NTRK3: variants seen among roughly 807,000 people sequenced by gnomAD.
NTRK3 encodes neurotrophic receptor tyrosine kinase 3.
NTRK3 carries 24 observed loss-of-function variants against 91.7 expected under a neutral mutation model. The ratio of observed to expected loss-of-function variants is 0.26; its 90% CI spans 0.19 to 0.37. The LOEUF is 0.37. Ranked by LOEUF, NTRK3 falls within the 10% of genes least tolerant of loss-of-function variation. NTRK3 has a pLI of 1.00. For missense variants in NTRK3, 880 were observed against 1,068.9 expected (o/e 0.82, Z 2.46); for synonymous variants, 483 against 404.0 (o/e 1.20, Z -2.34).
chr15:88,106,804 G>A (rs549573459), intron 13 of NTRK3, among the ~76,000 whole-genome samples: 37 of 152,106 alleles, frequency 2.4e-4, no homozygotes, highest in African/African-American at 8.4e-4. Flanking sequence ...ATGGTGGTGG[G>A]TGCCTGTAAT....
At chr15:88,174,594 G>A (rs1216427990) in intron 5 of NTRK3, among the ~76,000 whole-genome samples, 5 of 152,156 alleles carry the variant, frequency 3.3e-5, no homozygotes, top group African/African-American at 4.8e-5. Flanking sequence ...CTGATAAACA[G>A]GCTCAGTGGC....
Position 88,006,653 on chromosome 15 carries a change from G to C in NTRK3, c.1585+26204C>G, listed in dbSNP as rs139819904. Among the ~76,000 whole-genome samples the C allele has an allele frequency of 3.7e-4, 56 of 152,330 alleles. No homozygotes were observed. The East Asian group carries it at 9.5e-3, about 26-fold the overall frequency. On this transcript the variant is annotated intron_variant, in intron 14 of 18. Coordinates refer to ENST00000394480, the Ensembl canonical transcript of NTRK3. ...ATTCTGGGATTTGAAGAAGCAGTGA[G>C]CATCTCCTTGATGTAAAAGAAAACG...
At chr15:88,134,535 T>A (rs1262655193) in intron 10 of NTRK3, among the ~76,000 whole-genome samples, 2 of 152,242 alleles carry the variant, frequency 1.3e-5, no homozygotes, top group Middle Eastern at 3.4e-3. Context: ...TAGATCCAAG[T>A]CAAACCTTGT....
At chr15:88,130,100 C>T (rs1034533380) in intron 10 of NTRK3, among the ~76,000 whole-genome samples, 6 of 152,176 alleles carry the variant, frequency 3.9e-5, no homozygotes, top group African/African-American at 1.4e-4. Flanking sequence ...CTTCCAGCCT[C>T]CAGAATTGTG....
At chr15:87,879,802 C>G (rs191802778) in intron 18 of NTRK3, among the ~76,000 whole-genome samples, 1 of 151,992 alleles carries the variant, frequency 6.6e-6, no homozygotes. Flanking sequence ...TATTCCTAGA[C>G]GTTCACACAT....
At chr15:87,969,263 T>C (rs1182151020) in intron 14 of NTRK3, among the ~76,000 whole-genome samples, 1 of 152,150 alleles carries the variant, frequency 6.6e-6, no homozygotes, top group African/African-American at 2.4e-5. Flanking sequence ...AGGCACAGGC[T>C]GGAAACACCC....
chr15:87,863,988 C>CAT (rs1555424612), exon 19 of NTRK3: 30 of 216,708 alleles, frequency 1.4e-4, no homozygotes, highest in East Asian at 6.4e-4. Flanking sequence ...CACACACACA[C>CAT]ACACATACAC....
At chr15:88,174,935 C>T (rs953636581) in intron 5 of NTRK3, among the ~76,000 whole-genome samples, 1 of 152,210 alleles carries the variant, frequency 6.6e-6, no homozygotes, top group Non-Finnish European at 1.5e-5. Context: ...GATGAAGAAC[C>T]ACCACTCACC....
chr15:88,195,060 T>G lies in NTRK3; in HGVS notation c.249-10761A>C, dbSNP rs62019297. On this transcript the variant is annotated intron_variant, in intron 3 of 18. Coordinates refer to ENST00000394480, the Ensembl canonical transcript of NTRK3. ...CTGTGCCCCCCAGGCTTGGGTTGTCTGAAGACATCAGTTTTGATTGTCACT... is the reference window on the plus strand; with the variant it reads ...CTGTGCCCCCCAGGCTTGGGTTGTCGGAAGACATCAGTTTTGATTGTCACT... Among the ~76,000 whole-genome samples, 579 of 152,346 alleles carry G rather than the reference T, an allele frequency of 3.8e-3. 6 individuals are homozygous for G. The highest frequency in any genetic ancestry group is 6.8e-3 in the Non-Finnish European group (464 of 68,032).
intron 14 of NTRK3, chr15:87,978,347 G>A (rs899680934): frequency 3.5e-5 from 8 of 230,044 alleles, no homozygotes; most frequent in African/African-American, 4.4e-5. Flanking sequence ...GCTGGAGGAG[G>A]CCAAGTTTTA....
At chr15:87,864,519 A>G in exon 19 of NTRK3, 1 of 229,714 alleles carries the variant, frequency 4.4e-6, no homozygotes, top group East Asian at 6.2e-5. Context: ...TGTCTTTAGG[A>G]AGTTATATAG....
chr15:88,173,414 T>C (rs2045709864), intron 5 of NTRK3, among the ~76,000 whole-genome samples: 1 of 152,018 alleles, frequency 6.6e-6, no homozygotes. Flanking sequence ...TGTAGCCCCA[T>C]GCTCCCTGGA....
chr15:88,057,979 G>T (rs1004529696), intron 13 of NTRK3, among the ~76,000 whole-genome samples: 3 of 152,210 alleles, frequency 2.0e-5, no homozygotes, highest in Admixed American at 2.0e-4. Flanking sequence ...GGAAAAGGGC[G>T]GGCCAGGGAC....
At chr15:87,990,680 C>T (rs1255227191) in intron 14 of NTRK3, among the ~76,000 whole-genome samples, 3 of 152,134 alleles carry the variant, frequency 2.0e-5, no homozygotes, top group African/African-American at 7.2e-5. Flanking sequence ...CTCCAACTTC[C>T]TTCTTCAATT....
At chr15:88,144,743 A>T (rs1367239927) in intron 6 of NTRK3, among the ~76,000 whole-genome samples, 1 of 152,178 alleles carries the variant, frequency 6.6e-6, no homozygotes, top group East Asian at 1.9e-4. Flanking sequence ...TGTTCCAAGG[A>T]TAAGACAGAA....
At chr15:88,035,892 A>G (rs1356830942) in intron 13 of NTRK3, among the ~76,000 whole-genome samples, 1 of 152,226 alleles carries the variant, frequency 6.6e-6, no homozygotes, top group Non-Finnish European at 1.5e-5. Flanking sequence ...GGAAATTACG[A>G]TCGTCAAAAT....
At position 87,891,972 on chromosome 15, in the gene NTRK3, G is replaced by T. The variant is rs542543772; in HGVS notation, c.2134-11544C>A. Among the ~76,000 whole-genome samples, 3 of 152,166 alleles carry T rather than the reference G, an allele frequency of 2.0e-5. No individual in the cohort carries two copies. In the East Asian group the frequency reaches 5.8e-4, roughly 29 times the overall value. ...GTCTATCCAGCGTGTACTCAGGCAA[G>T]GATAGTTTTGAGGGACTTTGCAGAT... On this transcript the variant is annotated intron_variant, in intron 17 of 18. Transcript: ENST00000394480.
chr15:87,899,354 C>T (rs1392722047), intron 17 of NTRK3, among the ~76,000 whole-genome samples: 1 of 152,072 alleles, frequency 6.6e-6, no homozygotes, highest in Non-Finnish European at 1.5e-5. Flanking sequence ...CTATAATAAG[C>T]AAAAGGAGAC....
At chr15:88,106,849 C>T (rs1056061104) in intron 13 of NTRK3, among the ~76,000 whole-genome samples, 8 of 151,796 alleles carry the variant, frequency 5.3e-5, no homozygotes, top group African/African-American at 1.9e-4. Flanking sequence ...AGGAGAATCG[C>T]TTGAACCTGG....
Sources: allele counts gnomAD v4.1 joint callset (sites outside exome capture counted in the v4.1 genomes callset), GRCh38; gene constraint gnomAD v4.1.1; transcripts MANE v1.5; gene names NCBI Gene and HGNC (gene_info 2026-07-23, HGNC 2026-07-21).